The following RUNX2 variants were observed in gnomAD, a reference collection of about 807,000 sequenced individuals.
RUNX2 encodes the protein RUNX family transcription factor 2.
A neutral mutation model predicts 51.7 loss-of-function variants in RUNX2; 10 were observed. The observed-to-expected ratio is 0.19, with a 90% CI of 0.12 to 0.33. RUNX2 has a LOEUF of 0.33. RUNX2 is among the 10% of genes least tolerant of loss of function. RUNX2 has a pLI of 1.00. For synonymous variants in RUNX2, 276 were observed against 273.6 expected (o/e 1.01, Z -0.09); for missense variants, 562 against 691.3 (o/e 0.81, Z 2.10).
At chr6:45,396,520 C>T (rs1046647597) in intron 2 of RUNX2, among the ~76,000 whole-genome samples, 1 of 152,194 alleles carries the variant, frequency 6.6e-6, no homozygotes, top group Non-Finnish European at 1.5e-5. Context: ...GTCCTCCTGC[C>T]TCAGCCTCCC....
chr6:45,360,526 CTA>C (rs992765642), intron 2 of RUNX2, among the ~76,000 whole-genome samples: 71 of 152,268 alleles, frequency 4.7e-4, no homozygotes, highest in African/African-American at 1.7e-3. Context: ...AATTCAGAGA[CTA>C]TACATATCAG....
At chr6:45,367,398 A>G (rs904879802) in intron 2 of RUNX2, among the ~76,000 whole-genome samples, 1 of 152,274 alleles carries the variant, frequency 6.6e-6, no homozygotes, top group African/African-American at 2.4e-5. Flanking sequence ...GACTTTTGGA[A>G]TAAGTACTTT....
At chr6:45,399,913 C>T (rs948766178) in intron 2 of RUNX2, among the ~76,000 whole-genome samples, 1 of 139,234 alleles carries the variant, frequency 7.2e-6, no homozygotes, top group Non-Finnish European at 1.5e-5. Flanking sequence ...ATATTGTTTG[C>T]ACTGTACCTT....
At chr6:45,329,492 A>G (rs887368992) in intron 2 of RUNX2, among the ~76,000 whole-genome samples, 4 of 151,446 alleles carry the variant, frequency 2.6e-5, no homozygotes, top group African/African-American at 9.7e-5. Flanking sequence ...ATGCAACTGC[A>G]TTTTTCTATG....
At chr6:45,396,686 G>A (rs1186711706) in intron 2 of RUNX2, among the ~76,000 whole-genome samples, 1 of 152,192 alleles carries the variant, frequency 6.6e-6, no homozygotes, top group Non-Finnish European at 1.5e-5. Context: ...GATTACAGGT[G>A]TAAACCACTG....
At position 45,462,960 on chromosome 6, in the gene RUNX2, G is replaced by A. The variant is rs551451700; in HGVS notation, c.685+24909G>A. Reference sequence around the variant, plus strand: ...CTAACCCCAGAGTTCTGCTGGCTGGGCAGAACCTGAGGCTGAAGTTGTCCC... The same window carrying A: ...CTAACCCCAGAGTTCTGCTGGCTGGACAGAACCTGAGGCTGAAGTTGTCCC... On this transcript the variant is annotated intron_variant, in intron 5 of 8. Transcript: ENST00000647337. Among the ~76,000 whole-genome samples the A allele has an allele frequency of 2.6e-5, 4 of 152,278 alleles. No individual in the cohort carries two copies. The South Asian group carries it at 8.3e-4, about 32-fold the overall frequency.
chr6:45,436,253 G>A (rs986072552), intron 4 of RUNX2, among the ~76,000 whole-genome samples: 13 of 151,806 alleles, frequency 8.6e-5, no homozygotes, highest in Admixed American at 1.3e-4. Flanking sequence ...TTTTTAAATG[G>A]CAAGTGATCA....
intron 6 of RUNX2, among the ~76,000 whole-genome samples, chr6:45,498,405 G>A (rs746366700): frequency 3.9e-5 from 6 of 152,022 alleles, no homozygotes; most frequent in Non-Finnish European, 7.4e-5. Flanking sequence ...AGATAGGTTG[G>A]GCTTGTTGCC....
chr6:45,331,301 A>T (rs1787461780), intron 2 of RUNX2, among the ~76,000 whole-genome samples: 1 of 152,068 alleles, frequency 6.6e-6, no homozygotes, highest in Non-Finnish European at 1.5e-5. Context: ...GTATCTTAAA[A>T]TTAATGACTC....
At chr6:45,522,001 C>T (rs181638592) in intron 7 of RUNX2, among the ~76,000 whole-genome samples, 20 of 152,208 alleles carry the variant, frequency 1.3e-4, no homozygotes, top group Admixed American at 4.6e-4. Context: ...TTACAGTTAT[C>T]CCTGTTAGGT....
chr6:45,431,082 C>G (rs188671092), intron 3 of RUNX2, among the ~76,000 whole-genome samples: 6 of 152,258 alleles, frequency 3.9e-5, no homozygotes, highest in Admixed American at 3.9e-4. Flanking sequence ...TAATCTAGAT[C>G]TTTTCTTGAT....
chr6:45,432,123 T>A lies in RUNX2; in HGVS notation c.580+104T>A, dbSNP rs367569001. ...CAAATCAGCACCTTCTTTTTCTGAA[T>A]AGAATTACTGAAGATTTGATTTAAA... On this transcript the variant is annotated intron_variant, in intron 4 of 8. Transcript: ENST00000647337. 1.0e-4 allele frequency: 113 copies of A among 1,092,952 alleles called. No individual in the cohort carries two copies. In the East Asian group the frequency reaches 1.1e-3, roughly 11 times the overall value. 67.7% of individuals were successfully genotyped at this position (1,092,952 alleles called of 1,614,324 possible). A position where few individuals can be genotyped will look rare whatever the true frequency, so the allele number is the denominator to read the frequency against.
At chr6:45,436,086 G>A (rs537739711) in intron 4 of RUNX2, among the ~76,000 whole-genome samples, 55 of 152,100 alleles carry the variant, frequency 3.6e-4, no homozygotes, top group Middle Eastern at 3.4e-3. Context: ...ATTTAAATCC[G>A]TGTAATAGCC....
chr6:45,521,549 C>A (rs1351774428), intron 7 of RUNX2, among the ~76,000 whole-genome samples: 1 of 152,160 alleles, frequency 6.6e-6, no homozygotes. Context: ...AATAAAGTGT[C>A]AAAGCTCTTT....
chr6:45,337,461 C>T (rs1788814798), intron 2 of RUNX2, among the ~76,000 whole-genome samples: 1 of 151,688 alleles, frequency 6.6e-6, no homozygotes, highest in Non-Finnish European at 1.5e-5. Context: ...ATACTCATTT[C>T]TAGAAGGCCA....
At chr6:45,361,022 A>G (rs138700388) in intron 2 of RUNX2, among the ~76,000 whole-genome samples, 1 of 152,184 alleles carries the variant, frequency 6.6e-6, no homozygotes, top group Non-Finnish European at 1.5e-5. Context: ...CCTGTAGTCC[A>G]AGCTACTCAG....
chr6:45,505,062 C>T (rs969849112), intron 6 of RUNX2, among the ~76,000 whole-genome samples: 28 of 152,150 alleles, frequency 1.8e-4, no homozygotes, highest in African/African-American at 5.8e-4. Flanking sequence ...CTTTTGTATG[C>T]GGGTTCAGGC....
intron 6 of RUNX2, among the ~76,000 whole-genome samples, chr6:45,509,095 C>T (rs979220380): frequency 6.6e-6 from 1 of 152,076 alleles, no homozygotes; most frequent in Non-Finnish European, 1.5e-5. Flanking sequence ...TCTGAGGATT[C>T]AACTCTTTGA....
intron 6 of RUNX2, 66 bp downstream of exon 6, chr6:45,492,180 G>A: frequency 1.3e-6 from 2 of 1,518,824 alleles, no homozygotes; most frequent in Admixed American, 1.7e-5. Flanking sequence ...GGCTACCAGA[G>A]GAGATGTGTT....
Sources: allele counts gnomAD v4.1 joint callset (sites outside exome capture counted in the v4.1 genomes callset), GRCh38; gene constraint gnomAD v4.1.1; transcripts MANE v1.5; gene names NCBI Gene and HGNC (gene_info 2026-07-23, HGNC 2026-07-21).